Variants in RASGRF2 observed in about 807,000 individuals in gnomAD.
RASGRF2 encodes the protein ras-specific guanine nucleotide-releasing factor 2.
RASGRF2 carries 76 observed loss-of-function variants against 151.0 expected under a neutral mutation model. The ratio of observed to expected loss-of-function variants is 0.50; its 90% CI spans 0.42 to 0.61. The LOEUF (loss-of-function observed/expected upper bound fraction) is 0.61, where lower values mean the gene tolerates loss of function less well. Ranked by LOEUF, RASGRF2 falls within the 20% of genes least tolerant of loss-of-function variation. RASGRF2 has a pLI of 0.00. For missense variants in RASGRF2, 1,148 were observed against 1,564.6 expected (o/e 0.73, Z 4.49); for synonymous variants, 504 against 566.5 (o/e 0.89, Z 1.57).
chr5:81,189,465 T>G (rs1755106356), intron 18 of RASGRF2, among the ~76,000 whole-genome samples: 2 of 151,776 alleles, frequency 1.3e-5, no homozygotes, highest in Non-Finnish European at 2.9e-5. Context: ...GTGTTTTATG[T>G]TTTTTTTGTT....
chr5:80,987,248 G>A (rs147995374), intron 1 of RASGRF2, among the ~76,000 whole-genome samples: 27 of 152,278 alleles, frequency 1.8e-4, no homozygotes, highest in African/African-American at 5.5e-4. Flanking sequence ...TGCTCAAGAG[G>A]TAGGAGCTCC....
intron 15 of RASGRF2, among the ~76,000 whole-genome samples, chr5:81,116,637 T>G (rs1753167382): frequency 6.6e-6 from 1 of 152,188 alleles, no homozygotes. Context: ...CCTCTATAAC[T>G]TTTTCATCGT....
chr5:81,013,595 T>TTTTA (rs1554085339), intron 1 of RASGRF2, among the ~76,000 whole-genome samples: 14 of 148,856 alleles, frequency 9.4e-5, no homozygotes, highest in African/African-American at 3.4e-4. Flanking sequence ...AATATATTTG[T>TTTTA]TATATATATA....
At chr5:81,030,530 A>G (rs1416558113) in intron 1 of RASGRF2, among the ~76,000 whole-genome samples, 2 of 152,210 alleles carry the variant, frequency 1.3e-5, no homozygotes, top group Non-Finnish European at 2.9e-5. Context: ...TCAACCCAGA[A>G]TTTCATATCC....
At chr5:81,070,293 A>T in intron 3 of RASGRF2, 199 bp from the exon 4 acceptor site, 2 of 512,374 alleles carry the variant, frequency 3.9e-6, no homozygotes, top group South Asian at 4.3e-5. Context: ...CACTTCTTAT[A>T]AACACTTTCA....
intron 2 of RASGRF2, among the ~76,000 whole-genome samples, chr5:81,060,520 G>C (rs1365174721): frequency 6.6e-6 from 1 of 152,082 alleles, no homozygotes; most frequent in Non-Finnish European, 1.5e-5. Context: ...ACATATGATA[G>C]ATTTGTCTTA....
intron 2 of RASGRF2, among the ~76,000 whole-genome samples, chr5:81,063,100 G>A (rs1386699786): frequency 6.6e-6 from 1 of 150,892 alleles, no homozygotes; most frequent in African/African-American, 2.4e-5. Context: ...TTTCTCTTTG[G>A]AAGCTTCTAT....
chr5:80,969,425 C>T (rs1280094424), intron 1 of RASGRF2, among the ~76,000 whole-genome samples: 1 of 150,848 alleles, frequency 6.6e-6, no homozygotes, highest in African/African-American at 2.4e-5. Flanking sequence ...TGAGCCACCA[C>T]GACTGGCCAG....
intron 1 of RASGRF2, among the ~76,000 whole-genome samples, chr5:81,024,385 G>A (rs1313797426): frequency 3.4e-5 from 5 of 147,998 alleles, no homozygotes; most frequent in African/African-American, 5.0e-5. Flanking sequence ...TCAGCCTCCC[G>A]AGTAGCTGGG....
chr5:81,187,173 C>T (rs150736806), intron 18 of RASGRF2, among the ~76,000 whole-genome samples: 3 of 152,280 alleles, frequency 2.0e-5, no homozygotes, highest in African/African-American at 4.8e-5. Context: ...TAGTCAGCAT[C>T]GCCCAGGTAA....
At chr5:81,001,934 C>T (rs574114239) in intron 1 of RASGRF2, among the ~76,000 whole-genome samples, 1 of 152,214 alleles carries the variant, frequency 6.6e-6, no homozygotes, top group African/African-American at 2.4e-5. Context: ...CTTCTATGTC[C>T]TATTGAGGGG....
chr5:81,213,709 A>G (rs1217961126), intron 23 of RASGRF2, among the ~76,000 whole-genome samples: 2 of 152,176 alleles, frequency 1.3e-5, no homozygotes, highest in Admixed American at 6.5e-5. Context: ...AACCAAGCCT[A>G]AGTCCTATCT....
intron 1 of RASGRF2, among the ~76,000 whole-genome samples, chr5:80,998,347 C>T (rs776087127): frequency 3.9e-5 from 6 of 152,134 alleles, no homozygotes; most frequent in African/African-American, 7.2e-5. Context: ...CCCACCTTTA[C>T]TGTGAGGCTA....
intron 1 of RASGRF2, among the ~76,000 whole-genome samples, chr5:81,014,411 T>C (rs1749564986): frequency 6.6e-6 from 1 of 152,110 alleles, no homozygotes; most frequent in Non-Finnish European, 1.5e-5. Context: ...AGGCAAAAGA[T>C]GAGAGCTTGT....
At position 80,994,297 on chromosome 5, in the gene RASGRF2, C is replaced by T. The variant is rs1271454746; in HGVS notation, c.288+33271C>T. Among the ~76,000 whole-genome samples the T allele has an allele frequency of 8.6e-5, 13 of 150,602 alleles. No individual in the cohort carries two copies. In the South Asian group the frequency reaches 1.3e-3, roughly 15 times the overall value. ...AGGAGAATGGCGTGAACCTGGGGGG[C>T]CGAGCTTGCAGTGAGCCGAGATTGC... is the stretch of plus-strand genomic sequence containing the variant. On this transcript the variant is annotated intron_variant, in intron 1 of 26. Transcript: ENST00000265080.
intron 16 of RASGRF2, 44 bp from the exon 17 acceptor site, chr5:81,127,030 C>G: frequency 6.3e-7 from 1 of 1,580,446 alleles, no homozygotes; most frequent in Non-Finnish European, 8.7e-7. Flanking sequence ...AGAATATTAT[C>G]CATTTGCCTC....
chr5:80,973,919 T>C (rs67981551), intron 1 of RASGRF2, among the ~76,000 whole-genome samples: 39,536 of 152,034 alleles, frequency 0.26, 5,468 homozygotes, highest in Middle Eastern at 0.41. Context: ...CCAGTAATAA[T>C]CCGAAAAGGT....
chr5:81,127,484 C>G (rs1753489868), intron 17 of RASGRF2, among the ~76,000 whole-genome samples: 1 of 152,098 alleles, frequency 6.6e-6, no homozygotes, highest in Non-Finnish European at 1.5e-5. Context: ...GATCATGCCA[C>G]TGCACTCCAG....
intron 18 of RASGRF2, among the ~76,000 whole-genome samples, chr5:81,184,867 G>C (rs1462052442): frequency 2.0e-5 from 3 of 152,238 alleles, no homozygotes; most frequent in African/African-American, 7.2e-5. Flanking sequence ...GGCAGTCTCT[G>C]ACCTCAAGGG....
Sources: gnomAD v4.1 joint callset for allele counts (sites outside exome capture counted in the v4.1 genomes callset) on GRCh38, gnomAD v4.1.1 for gene constraint, MANE v1.5 for transcripts, NCBI Gene and HGNC (gene_info 2026-07-23, HGNC 2026-07-21) for gene names.